The following BAZ2B variants were observed in gnomAD, a reference collection of about 807,000 sequenced individuals.
BAZ2B encodes bromodomain adjacent to zinc finger domain protein 2B.
Under a neutral mutation model 246.0 loss-of-function variants are expected in BAZ2B, and 91 were observed. The ratio of observed to expected loss-of-function variants is 0.37; its 90% CI spans 0.31 to 0.44. BAZ2B has a LOEUF of 0.44. Among genes scored for constraint, BAZ2B ranks in the 20% least tolerant of loss-of-function variants. The pLI, the probability that BAZ2B is intolerant of heterozygous loss-of-function variation, is 1.00. For synonymous variants in BAZ2B, 855 were observed against 860.0 expected, an observed-to-expected ratio of 0.99 and a Z score of 0.10; for missense variants, 2,332 against 2,533.7, an observed-to-expected ratio of 0.92 and a Z score of 1.71.
At chr2:159,510,497 A>G in intron 2 of BAZ2B, among the ~76,000 whole-genome samples, 1 of 152,148 alleles carries the variant, frequency 6.6e-6, no homozygotes, top group Non-Finnish European at 1.5e-5. Flanking sequence ...ATGGTTACAG[A>G]GTTTCTGTTT....
chr2:159,586,925 ATT>A lies in BAZ2B; in HGVS notation c.-46+29315_-46+29316del, dbSNP rs918529189. ...AAGAGTTCACTACCTAAGAAATAAA[ATT>A]TCTCTCCTCCCTCAAGTACATCTTC... On this transcript the variant is annotated intron_variant, in intron 1 of 36. Transcript: ENST00000392783. Among the ~76,000 whole-genome samples, 12 of 152,070 alleles carry A rather than the reference ATT, an allele frequency of 7.9e-5. 1 individual carries two copies. The highest frequency in any genetic ancestry group is 4.8e-5 in the African/African-American group (2 of 41,408).
intron 27 of BAZ2B, among the ~76,000 whole-genome samples, chr2:159,359,655 A>C (rs1198118077): frequency 6.6e-6 from 1 of 152,198 alleles, no homozygotes; most frequent in Non-Finnish European, 1.5e-5. Flanking sequence ...AACACAAAAA[A>C]AGAAAATTTC....
chr2:159,633,921 G>A, the BAZ2B span, among the ~76,000 whole-genome samples: 1 of 151,832 alleles, frequency 6.6e-6, no homozygotes, highest in African/African-American at 2.4e-5. Context: ...TGTATATTTA[G>A]TAGAGATGAG....
chr2:159,707,596 G>A, the BAZ2B span, among the ~76,000 whole-genome samples: 1 of 152,140 alleles, frequency 6.6e-6, no homozygotes, highest in Non-Finnish European at 1.5e-5. Context: ...GGGAGGCTGA[G>A]GCGGGTGGAT....
chr2:159,434,337 T>A (rs2071767799), intron 8 of BAZ2B: 1 of 151,848 alleles, frequency 6.6e-6, no homozygotes, highest in Non-Finnish European at 1.5e-5. Context: ...ATTTTTGTAT[T>A]TTTAGTGGAG....
At chr2:159,618,117 T>C (rs1204849709), upstream of BAZ2B, among the ~76,000 whole-genome samples, 4 of 152,212 alleles carry the variant, frequency 2.6e-5, no homozygotes, top group African/African-American at 9.6e-5. Flanking sequence ...TTGATTTTTT[T>C]TCCCTGCCAC....
intron 2 of BAZ2B, among the ~76,000 whole-genome samples, chr2:159,505,928 T>C (rs2082283449): frequency 6.6e-6 from 1 of 152,206 alleles, no homozygotes; most frequent in Non-Finnish European, 1.5e-5. Flanking sequence ...AAGCTAAGCG[T>C]ATAATACATT....
intron 26 of BAZ2B, among the ~76,000 whole-genome samples, 159 bp from the exon 27 acceptor site, chr2:159,373,348 G>T (rs922646054): frequency 6.6e-6 from 1 of 152,140 alleles, no homozygotes; most frequent in Non-Finnish European, 1.5e-5. Context: ...TTCAATTTCA[G>T]TAACATTTAT....
chr2:159,432,621 C>T, intron 9 of BAZ2B, 136 bp downstream of exon 9: 1 of 1,185,582 alleles, frequency 8.4e-7, no homozygotes, highest in Non-Finnish European at 1.2e-6. Context: ...ATTTTATGAG[C>T]TCATTATAGA....
chr2:159,507,053 T>C (rs147426944), intron 2 of BAZ2B, among the ~76,000 whole-genome samples: 1 of 152,308 alleles, frequency 6.6e-6, no homozygotes, highest in African/African-American at 2.4e-5. Flanking sequence ...GTACTTCTAC[T>C]AAGTTATCTA....
Position 159,546,900 on chromosome 2 carries a change from C to T in BAZ2B, c.-3+8923G>A, listed in dbSNP as rs917280351. ...GAGATTAATTCCAAATGAAAAGGAT[C>T]CAAAGGTTTTATGGAGGAGGTAACA... is the stretch of plus-strand genomic sequence containing the variant. On this transcript the variant is annotated intron_variant, in intron 2 of 36. Transcript: ENST00000392783. Among the ~76,000 whole-genome samples the T allele has an allele frequency of 6.6e-5, 10 of 152,086 alleles. No individual in the cohort carries two copies. In the South Asian group the frequency reaches 2.1e-3, roughly 32 times the overall value.
At position 159,427,957 on chromosome 2, in the gene BAZ2B, G is replaced by C; in HGVS notation, c.2450C>G (p.Ala817Gly). The change falls in exon 13 of 37, where the codon GCC becomes GGC. Residue 817 changes from alanine (A) to glycine (G), a missense_variant. Physicochemically the swap from Ala to Gly is moderately conservative, Grantham distance 60. This residue lies in a region of BAZ2B where 651 missense variants were observed against 650.9 expected (regional missense o/e 1.00). Transcript: ENST00000392783. Reference sequence around the variant, plus strand: ...AGTGGATACCTGCGGTCCATCTCTGGCTTCATAGAAGTCACCCACTCTTAT... The same window carrying C: ...AGTGGATACCTGCGGTCCATCTCTGCCTTCATAGAAGTCACCCACTCTTAT... ...AKIRVGDFYE[A>G]RDGPQGMQWC... The C allele has an allele frequency of 6.2e-7, 1 of 1,613,182 alleles. No homozygotes were observed. Among genetic ancestry groups the C allele is most frequent in the Non-Finnish European group, 8.5e-7 (1 of 1,179,330 alleles).
intron 6 of BAZ2B, among the ~76,000 whole-genome samples, chr2:159,440,672 C>G (rs573072721): frequency 6.6e-6 from 1 of 151,848 alleles, no homozygotes; most frequent in Non-Finnish European, 1.5e-5. Flanking sequence ...CCTGCCACCA[C>G]GCTAATTTTT....
intron 19 of BAZ2B, 189 bp from the exon 20 acceptor site, chr2:159,396,023 G>A (rs2063968637): frequency 2.1e-6 from 1 of 481,056 alleles, no homozygotes; most frequent in South Asian, 3.2e-5. Context: ...TTCAGGTTTA[G>A]AAAGCAAATA....
At chr2:159,349,419 A>G (rs1276216677) in intron 28 of BAZ2B, 139 bp from the exon 29 acceptor site, 3 of 972,720 alleles carry the variant, frequency 3.1e-6, no homozygotes, top group Non-Finnish European at 4.4e-6. Flanking sequence ...AAAATACATT[A>G]GCAACAAAAA....
intron 34 of BAZ2B, among the ~76,000 whole-genome samples, chr2:159,331,783 A>G (rs74694640): frequency 0.044 from 6,772 of 152,304 alleles, 287 homozygotes; most frequent in East Asian, 0.13. Context: ...TAACGGTTTT[A>G]CCAAGGGCAG....
intron 2 of BAZ2B, among the ~76,000 whole-genome samples, chr2:159,518,182 G>A (rs1341774632): frequency 6.6e-6 from 1 of 152,100 alleles, no homozygotes; most frequent in Non-Finnish European, 1.5e-5. Flanking sequence ...ACGATGAAAT[G>A]AAAACATAAA....
At chr2:159,443,007 C>A (rs894113144) in intron 6 of BAZ2B, among the ~76,000 whole-genome samples, 1 of 152,104 alleles carries the variant, frequency 6.6e-6, no homozygotes, top group Admixed American at 6.5e-5. Flanking sequence ...TATACAGATA[C>A]CTCTTTGAGA....
chr2:159,375,869 G>A (rs1320113562), intron 25 of BAZ2B, among the ~76,000 whole-genome samples: 1 of 152,052 alleles, frequency 6.6e-6, no homozygotes, highest in African/African-American at 2.4e-5. Context: ...ATCAACTGAA[G>A]GAGTTATTTT....
Sources: allele counts gnomAD v4.1 joint callset (sites outside exome capture counted in the v4.1 genomes callset), GRCh38; gene constraint gnomAD v4.1.1; regional missense constraint gnomAD v4.1.1; transcripts MANE v1.5; gene names NCBI Gene and HGNC (gene_info 2026-07-23, HGNC 2026-07-21).